The following N4BP2 variants were observed in gnomAD, a reference collection of about 807,000 sequenced individuals.
The protein encoded by N4BP2 is NEDD4-binding protein 2.
Under a neutral mutation model 152.8 loss-of-function variants are expected in N4BP2, and 91 were observed. The observed-to-expected ratio is 0.60, with a 90% CI of 0.50 to 0.71. N4BP2 has a LOEUF of 0.71. Among genes scored for constraint, N4BP2 ranks in the 30% least tolerant of loss-of-function variants. The probability of loss-of-function intolerance (pLI) is 0.00; values close to 1 mark genes in which losing one functional copy is unlikely to be tolerated. For synonymous variants in N4BP2, 646 were observed against 705.3 expected (o/e 0.92, Z 1.33); for missense variants, 1,923 against 2,059.1 (o/e 0.93, Z 1.28).
the N4BP2 span, among the ~76,000 whole-genome samples, chr4:40,172,002 G>A: frequency 1.3e-5 from 2 of 152,154 alleles, no homozygotes; most frequent in South Asian, 2.1e-4. Context: ...CACCTCCTGG[G>A]TTCAAGTGAT....
the N4BP2 span, among the ~76,000 whole-genome samples, chr4:40,179,989 C>T: frequency 6.6e-6 from 1 of 152,004 alleles, no homozygotes; most frequent in African/African-American, 2.4e-5. Context: ...GTCTTGAACT[C>T]CTGACCTCAG....
the N4BP2 span, among the ~76,000 whole-genome samples, chr4:40,171,894 C>T: frequency 1.3e-5 from 2 of 152,114 alleles, no homozygotes; most frequent in Admixed American, 1.3e-4. Flanking sequence ...AGATGGAGGC[C>T]GGGAGACTAA....
At chr4:40,178,929 G>A in the N4BP2 span, among the ~76,000 whole-genome samples, 54 of 152,212 alleles carry the variant, frequency 3.5e-4, no homozygotes, top group Middle Eastern at 3.4e-3. Context: ...TTGATTTGCA[G>A]TGTGACACTG....
chr4:40,186,051 A>T, the N4BP2 span, among the ~76,000 whole-genome samples: 1 of 152,244 alleles, frequency 6.6e-6, no homozygotes, highest in African/African-American at 2.4e-5. Context: ...ATTGCCCAGG[A>T]TGTGTTTCCC....
chr4:40,138,926 A>G (rs1322858829), intron 14 of N4BP2, among the ~76,000 whole-genome samples: 3 of 152,156 alleles, frequency 2.0e-5, no homozygotes, highest in African/African-American at 7.2e-5. Context: ...TTGGATTTCC[A>G]TGTGAATTTT....
chr4:40,135,122 C>T (rs1400388770), intron 13 of N4BP2, among the ~76,000 whole-genome samples: 1 of 130,644 alleles, frequency 7.7e-6, no homozygotes, highest in Non-Finnish European at 1.6e-5. Flanking sequence ...CAAGAGTCCC[C>T]AGAGTGTGAT....
In N4BP2 at chr4:40,142,809, A is replaced by G. The variant is rs145978476; in HGVS notation, c.4922A>G (p.Lys1641Arg). 2.9e-4 allele frequency: 465 copies of G among 1,614,064 alleles called. 1 individual carries two copies. The highest frequency in any genetic ancestry group is 1.7e-4 in the Admixed American group (10 of 60,006). Reference protein sequence around the residue: ...QKRMECYSKAKEAYRIGKKNV... With the variant: ...QKRMECYSKAREAYRIGKKNV... The stretch of plus-strand genomic sequence containing the variant: ...AGGATGGAGTGCTACAGCAAGGCCA[A>G]AGAAGCTTATCGGATAGGGAAAAAA... Residue 1641 changes from lysine (K) to arginine (R), a missense_variant, in exon 15 of 18, where the codon AAA becomes AGA. Transcript: ENST00000261435.
chr4:40,123,652 AT>A (rs201141215), intron 10 of N4BP2, among the ~76,000 whole-genome samples: 9,926 of 144,650 alleles, frequency 0.069, 377 homozygotes, highest in Non-Finnish European at 0.089. Flanking sequence ...CACCTAGGTA[AT>A]TTTTTTTTTT....
intron 10 of N4BP2, among the ~76,000 whole-genome samples, chr4:40,123,685 A>G (rs1304101590): frequency 6.6e-6 from 1 of 150,826 alleles, no homozygotes; most frequent in Non-Finnish European, 1.5e-5. Context: ...AGGTCTCACT[A>G]TGTTGCCCAG....
the N4BP2 span, among the ~76,000 whole-genome samples, chr4:40,182,957 A>G: frequency 2.0e-5 from 3 of 152,088 alleles, no homozygotes; most frequent in South Asian, 2.1e-4. Flanking sequence ...GATTACAGAC[A>G]TGAGCCACCA....
chr4:40,072,800 A>G (rs1473980654), intron 1 of N4BP2, among the ~76,000 whole-genome samples: 3 of 149,756 alleles, frequency 2.0e-5, no homozygotes, highest in Admixed American at 6.7e-5. Flanking sequence ...ATCTCGGCTC[A>G]CTGCAATCTC....
intron 4 of N4BP2, among the ~76,000 whole-genome samples, chr4:40,104,217 G>T (rs1487259268): frequency 6.6e-6 from 1 of 150,624 alleles, no homozygotes; most frequent in Non-Finnish European, 1.5e-5. Flanking sequence ...CTCCCAAAGT[G>T]CTGGGATTAC....
rs563952463 is a variant in N4BP2, at chr4:40,156,729, A to C, written c.*2492A>C. On this transcript the variant is annotated 3_prime_UTR_variant, in exon 18 of 18. Coordinates refer to ENST00000261435, the MANE Select transcript of N4BP2 (RefSeq NM_018177.6). Reference sequence around the variant, plus strand: ...GTATTGGTGTAGGTTGAGTATCCCTAATGAGAAAATTCAAAATCTGAAATG... The same window carrying C: ...GTATTGGTGTAGGTTGAGTATCCCTCATGAGAAAATTCAAAATCTGAAATG... The C allele has an allele frequency of 2.3e-4, 22 of 97,594 alleles. No individual in the cohort carries two copies. The highest frequency in any genetic ancestry group is 5.4e-4 in the Non-Finnish European group (19 of 35,374). The allele number at this position is 97,594 out of a possible 1,614,324, so 6.0% of individuals were successfully genotyped here.
intron 1 of N4BP2, among the ~76,000 whole-genome samples, chr4:40,063,855 G>C (rs1733838088): frequency 6.6e-6 from 1 of 152,048 alleles, no homozygotes; most frequent in African/African-American, 2.4e-5. Context: ...ATGTTGGCCA[G>C]GTTGGTCTTG....
chr4:40,153,283 G>T (rs747337964), intron 17 of N4BP2, among the ~76,000 whole-genome samples: 3 of 152,128 alleles, frequency 2.0e-5, no homozygotes, highest in Non-Finnish European at 2.9e-5. Context: ...TAGGTAATAT[G>T]TATCATACTT....
At chr4:40,162,703 T>C (rs1721889465), downstream of N4BP2, among the ~76,000 whole-genome samples, 1 of 152,198 alleles carries the variant, frequency 6.6e-6, no homozygotes, top group African/African-American at 2.4e-5. Flanking sequence ...TTATTTAATG[T>C]AGCTTATTGG....
chr4:40,112,979 C>T (rs1230693595), intron 6 of N4BP2, among the ~76,000 whole-genome samples: 2 of 152,230 alleles, frequency 1.3e-5, no homozygotes, highest in African/African-American at 4.8e-5. Flanking sequence ...GTTGGGATTA[C>T]AGGCGTGAGC....
chr4:40,066,025 G>A (rs928536797), intron 1 of N4BP2, among the ~76,000 whole-genome samples: 25 of 152,002 alleles, frequency 1.6e-4, no homozygotes, highest in African/African-American at 6.0e-4. Context: ...CTGCCTCCTG[G>A]GTTCAAGCGA....
At chr4:40,141,305 G>A (rs1284039443) in intron 14 of N4BP2, among the ~76,000 whole-genome samples, 2 of 151,786 alleles carry the variant, frequency 1.3e-5, no homozygotes, top group Admixed American at 6.6e-5. Context: ...TGGCTGCCGG[G>A]CGGTGACGCT....
Sources: gnomAD v4.1 joint callset for allele counts (sites outside exome capture counted in the v4.1 genomes callset) on GRCh38, gnomAD v4.1.1 for gene constraint, MANE v1.5 for transcripts, NCBI Gene and HGNC (gene_info 2026-07-23, HGNC 2026-07-21) for gene names.